Variants in ETF1 observed in about 807,000 individuals in gnomAD.
ETF1 encodes the protein eukaryotic translation termination factor 1, also known as eukaryotic peptide chain release factor subunit 1.
In ETF1, 4 loss-of-function variants were observed where a neutral mutation model predicts 55.1. That is an observed-to-expected ratio of 0.07 (90% confidence interval 0.04 to 0.17). ETF1 has a LOEUF of 0.17. Among genes scored for constraint, ETF1 ranks in the 10% least tolerant of loss-of-function variants. The pLI is 1.00. For synonymous variants in ETF1, 157 were observed against 182.3 expected (o/e 0.86, Z 1.12); for missense variants, 142 against 523.6 (o/e 0.27, Z 7.11).
intron 2 of ETF1, chr5:138,529,794 C>T (rs1424083332): frequency 4.8e-6 from 4 of 834,646 alleles, no homozygotes; most frequent in Non-Finnish European, 5.8e-6. Context: ...GCTCTGTCAC[C>T]CAGACTGGAG....
At chr5:138,522,769 G>C (rs1765286525) in intron 2 of ETF1, among the ~76,000 whole-genome samples, 1 of 152,174 alleles carries the variant, frequency 6.6e-6, no homozygotes, top group African/African-American at 2.4e-5. Context: ...CATTTTGGGA[G>C]GCTGAGGCAG....
intron 2 of ETF1, among the ~76,000 whole-genome samples, chr5:138,540,737 T>C (rs1766137700): frequency 6.6e-6 from 1 of 152,218 alleles, no homozygotes; most frequent in Admixed American, 6.5e-5. Context: ...CTCAACAACT[T>C]GAAATACAAG....
At position 138,526,048 on chromosome 5, in the gene ETF1, T is replaced by C. The variant is rs1270872668; in HGVS notation, c.87-7181A>G. Among the ~76,000 whole-genome samples the C allele has an allele frequency of 2.0e-5, 3 of 152,288 alleles. No individual in the cohort carries two copies. In the East Asian group the frequency reaches 5.8e-4, roughly 29 times the overall value. On this transcript the variant is annotated intron_variant, in intron 2 of 10. Coordinates refer to ENST00000360541, the MANE Select transcript of ETF1 (RefSeq NM_004730.4). ...TACTTCCTGAGATCCTTATAGATTA[T>C]TGGATCTATACCCTTAAAGGGTATA...
At chr5:138,542,972 CCA>C in intron 1 of ETF1, 36 bp from the exon 2 acceptor site, 1 of 1,595,610 alleles carries the variant, frequency 6.3e-7, no homozygotes, top group Non-Finnish European at 8.6e-7. Flanking sequence ...GACACCAAGA[CCA>C]CAGAGTTAGC....
At chr5:138,541,098 T>C (rs895586233) in intron 2 of ETF1, among the ~76,000 whole-genome samples, 1 of 152,188 alleles carries the variant, frequency 6.6e-6, no homozygotes, top group Non-Finnish European at 1.5e-5. Context: ...TCCACCTATA[T>C]ACAATACTGC....
At chr5:138,516,484 C>CA (rs1765024231) in intron 4 of ETF1, among the ~76,000 whole-genome samples, 1 of 152,008 alleles carries the variant, frequency 6.6e-6, no homozygotes. Context: ...TAAAAAAACA[C>CA]AAAAAATTAG....
chr5:138,527,861 C>G (rs1347071396), intron 2 of ETF1, among the ~76,000 whole-genome samples: 1 of 152,074 alleles, frequency 6.6e-6, no homozygotes, highest in African/African-American at 2.4e-5. Context: ...CAACCTCCGC[C>G]TCCTGGGTTC....
At chr5:138,521,265 C>T (rs909601815) in intron 2 of ETF1, among the ~76,000 whole-genome samples, 3 of 152,074 alleles carry the variant, frequency 2.0e-5, no homozygotes, top group Admixed American at 2.0e-4. Context: ...CATGAGGTAA[C>T]CTAGAATATT....
chr5:138,528,774 T>C (rs912921411), intron 2 of ETF1, among the ~76,000 whole-genome samples: 22 of 152,302 alleles, frequency 1.4e-4, no homozygotes, highest in Non-Finnish European at 1.9e-4. Flanking sequence ...GAAATGCAGA[T>C]TATTAAATGG....
In ETF1 at chr5:138,507,522, C is replaced by T. The variant is rs954502511; in HGVS notation, c.*783G>A. The T allele has an allele frequency of 1.3e-5, 2 of 152,586 alleles. No homozygotes were observed. Among genetic ancestry groups the T allele is most frequent in the Admixed American group, 6.6e-5 (1 of 15,262 alleles). The allele number at this position is 152,586 out of a possible 1,614,324, so 9.5% of individuals were successfully genotyped here. ...CATCATATCCATCCCAAACCGGTTT[C>T]GAGTAGGTTAAGGTTATAGGGACCC... On this transcript the variant is annotated 3_prime_UTR_variant, in exon 11 of 11. Coordinates refer to ENST00000360541, the MANE Select transcript of ETF1 (RefSeq NM_004730.4).
intron 2 of ETF1, among the ~76,000 whole-genome samples, chr5:138,526,253 GGCTTAC>G (rs1483745551): frequency 6.6e-6 from 1 of 152,112 alleles, no homozygotes; most frequent in Non-Finnish European, 1.5e-5. Flanking sequence ...AAATTAAATG[GGCTTAC>G]GTGTTAAGTG....
chr5:138,535,314 T>C lies in ETF1; in HGVS notation c.86+7519A>G, dbSNP rs1361016345. 4.1e-5 allele frequency among the ~76,000 whole-genome samples: 6 copies of C among 145,466 alleles called. No homozygotes were observed. In the East Asian group the frequency reaches 1.4e-3, roughly 34 times the overall value. ...TCCCCCATGAAGCAGATGGGGAAAC[T>C]GAAGCCCATGGATGAATAATTGGCT... On this transcript the variant is annotated intron_variant, in intron 2 of 10. Coordinates refer to ENST00000360541, the MANE Select transcript of ETF1 (RefSeq NM_004730.4).
intron 2 of ETF1, among the ~76,000 whole-genome samples, chr5:138,532,794 T>C (rs1765758574): frequency 6.6e-6 from 1 of 152,222 alleles, no homozygotes; most frequent in Admixed American, 6.5e-5. Context: ...TAGAAATTCA[T>C]TCCTTTCTAA....
intron 4 of ETF1, among the ~76,000 whole-genome samples, chr5:138,516,609 C>G (rs1765030343): frequency 6.6e-6 from 1 of 152,252 alleles, no homozygotes; most frequent in South Asian, 2.1e-4. Context: ...CCACTGCACT[C>G]TAGCCTGGGC....
At chr5:138,525,734 T>TC (rs1337540625) in intron 2 of ETF1, among the ~76,000 whole-genome samples, 1 of 151,470 alleles carries the variant, frequency 6.6e-6, no homozygotes, top group Non-Finnish European at 1.5e-5. Flanking sequence ...TCACCTGAGG[T>TC]CAGGAGTTCG....
chr5:138,533,131 G>C (rs1472739879), intron 2 of ETF1, among the ~76,000 whole-genome samples: 1 of 151,794 alleles, frequency 6.6e-6, no homozygotes, highest in Non-Finnish European at 1.5e-5. Flanking sequence ...GTACGGAAAG[G>C]GTTTCACCAT....
Position 138,543,168 on chromosome 5 carries a change from C to T in ETF1, c.-90G>A. ...GGCTCCGCGGCGGCGGCGGCTCTGA[C>T]GTAGGACACCGGCTCCCTCTCTCCA... On this transcript the variant is annotated 5_prime_UTR_variant, in exon 1 of 11. Transcript: ENST00000360541. The T allele has an allele frequency of 1.7e-6, 1 of 572,210 alleles. No individual in the cohort carries two copies. Among genetic ancestry groups the T allele is most frequent in the South Asian group, 2.2e-5 (1 of 44,938 alleles). 35.4% of individuals were successfully genotyped at this position (572,210 alleles called of 1,614,324 possible).
At chr5:138,518,646 A>T (rs749092787) in intron 3 of ETF1, 46 bp downstream of exon 3, 2 of 1,558,774 alleles carry the variant, frequency 1.3e-6, no homozygotes, top group Non-Finnish European at 1.8e-6. Context: ...AGTATAAAAC[A>T]TAACCAAAAT....
intron 2 of ETF1, among the ~76,000 whole-genome samples, chr5:138,538,458 G>T (rs779266375): frequency 3.9e-5 from 6 of 152,130 alleles, no homozygotes; most frequent in South Asian, 2.1e-4. Flanking sequence ...CCAAAGTGCT[G>T]GGATTACAGG....
Sources: allele counts gnomAD v4.1 joint callset (sites outside exome capture counted in the v4.1 genomes callset), GRCh38; gene constraint gnomAD v4.1.1; transcripts MANE v1.5; gene names NCBI Gene and HGNC (gene_info 2026-07-23, HGNC 2026-07-21).